The following RAP1GDS1 variants were observed in gnomAD, a reference collection of about 807,000 sequenced individuals.
RAP1GDS1 encodes the protein Rap1 GTPase-GDP dissociation stimulator 1, also known as RAP1, GTP-GDP dissociation stimulator 1.
In RAP1GDS1, 35 loss-of-function variants were observed where a neutral mutation model predicts 71.1. That is an observed-to-expected ratio of 0.49 (90% CI 0.38 to 0.65). RAP1GDS1 has a LOEUF of 0.65. Ranked by LOEUF, RAP1GDS1 falls within the 30% of genes least tolerant of loss-of-function variation. The probability of loss-of-function intolerance (pLI) is 0.00; values close to 1 mark genes in which losing one functional copy is unlikely to be tolerated. For missense variants in RAP1GDS1, 663 were observed against 706.1 expected (o/e 0.94, Z 0.69); for synonymous variants, 229 against 243.1 (o/e 0.94, Z 0.54).
At chr4:98,304,215 A>G (rs1417561261) in intron 2 of RAP1GDS1, among the ~76,000 whole-genome samples, 1 of 152,194 alleles carries the variant, frequency 6.6e-6, no homozygotes, top group Non-Finnish European at 1.5e-5. Flanking sequence ...TATACCCAGT[A>G]ATGGGATTGC....
rs146547450 is a variant in RAP1GDS1 at position 98,302,821 on chromosome 4, G to A, written c.112+9306G>A. ...AGCACTTTGGGAGGCCAAGGTGGGC[G>A]GATCACTTGAGGTCAGGAGTTGGAG... On this transcript the variant is annotated intron_variant, in intron 2 of 14. Coordinates refer to ENST00000408927, the MANE Select transcript of RAP1GDS1 (RefSeq NM_001100427.2). Among the ~76,000 whole-genome samples, 1,228 of 152,258 alleles carry A rather than the reference G, an allele frequency of 8.1e-3. 15 individuals carry two copies. The highest frequency in any genetic ancestry group is 0.027 in the African/African-American group (1,138 of 41,548).
At chr4:98,286,449 A>C (rs1726032574) in intron 1 of RAP1GDS1, among the ~76,000 whole-genome samples, 1 of 152,066 alleles carries the variant, frequency 6.6e-6, no homozygotes, top group Admixed American at 6.6e-5. Flanking sequence ...AAATTTTACA[A>C]ATTGTATTTT....
chr4:98,325,929 AAAG>A (rs1351205433), intron 2 of RAP1GDS1, among the ~76,000 whole-genome samples: 1 of 151,626 alleles, frequency 6.6e-6, no homozygotes, highest in Non-Finnish European at 1.5e-5. Flanking sequence ...TTAAAAAAAA[AAAG>A]ATTCAGTGTA....
At chr4:98,266,287 A>G (rs1169359883) in intron 1 of RAP1GDS1, among the ~76,000 whole-genome samples, 1 of 152,110 alleles carries the variant, frequency 6.6e-6, no homozygotes, top group Non-Finnish European at 1.5e-5. Context: ...AATGTCTGTC[A>G]TGCAGAGTGA....
intron 14 of RAP1GDS1, among the ~76,000 whole-genome samples, chr4:98,438,691 C>T (rs1751499160): frequency 6.9e-6 from 1 of 145,796 alleles, no homozygotes; most frequent in East Asian, 2.1e-4. Flanking sequence ...CTCCAGGGTT[C>T]AAGTGATTCT....
In RAP1GDS1 at chr4:98,387,571, G is replaced by T; in HGVS notation, c.509-4381G>T. Reference sequence around the variant, plus strand: ...ATCTCTTTGTATATGCATCTGTATTGCACCCCCTCAGTGCCTTTCTTCCTC... The same window carrying T: ...ATCTCTTTGTATATGCATCTGTATTTCACCCCCTCAGTGCCTTTCTTCCTC... On this transcript the variant is annotated intron_variant, in intron 5 of 14. Coordinates refer to ENST00000408927, the MANE Select transcript of RAP1GDS1 (RefSeq NM_001100427.2). The T allele has an allele frequency of 2.2e-5, 9 of 412,130 alleles. 1 individual carries two copies. Among genetic ancestry groups the T allele is most frequent in the South Asian group, 1.4e-4 (8 of 58,908 alleles). The allele number at this position is 412,130 out of a possible 1,614,324, so 25.5% of individuals were successfully genotyped here.
chr4:98,406,926 C>G (rs1405716575), intron 7 of RAP1GDS1, among the ~76,000 whole-genome samples: 2 of 151,920 alleles, frequency 1.3e-5, no homozygotes, highest in Admixed American at 6.6e-5. Flanking sequence ...AGAAATTTTT[C>G]TAGTAGTGAA....
At chr4:98,373,272 G>A (rs1445749747) in intron 4 of RAP1GDS1, among the ~76,000 whole-genome samples, 1 of 152,112 alleles carries the variant, frequency 6.6e-6, no homozygotes. Flanking sequence ...TTACTTCATT[G>A]TCTTCTAGCT....
intron 6 of RAP1GDS1, among the ~76,000 whole-genome samples, chr4:98,397,256 G>T (rs1210229457): frequency 6.6e-6 from 1 of 152,070 alleles, no homozygotes; most frequent in Non-Finnish European, 1.5e-5. Flanking sequence ...CATGAATATG[G>T]TTTTAAAGTA....
At chr4:98,397,038 A>G (rs1432613019) in intron 6 of RAP1GDS1, 3 of 152,212 alleles carry the variant, frequency 2.0e-5, no homozygotes, top group South Asian at 4.1e-4. Flanking sequence ...ATTAAGTTTC[A>G]TAAATTTTAC....
intron 4 of RAP1GDS1, among the ~76,000 whole-genome samples, chr4:98,376,605 C>T (rs1016462220): frequency 2.0e-5 from 3 of 151,880 alleles, no homozygotes; most frequent in Non-Finnish European, 4.4e-5. Flanking sequence ...TAAAAAAATG[C>T]TTTTACTGTG....
intron 7 of RAP1GDS1, among the ~76,000 whole-genome samples, chr4:98,408,507 C>G (rs1485123721): frequency 6.6e-6 from 1 of 152,004 alleles, no homozygotes; most frequent in Non-Finnish European, 1.5e-5. Context: ...AGAATTCTTC[C>G]AGAGAATAGG....
intron 1 of RAP1GDS1, among the ~76,000 whole-genome samples, chr4:98,292,836 C>T (rs946718424): frequency 6.6e-5 from 10 of 152,044 alleles, no homozygotes; most frequent in African/African-American, 2.4e-4. Flanking sequence ...GAGGAATTCA[C>T]ATATAATTTA....
At chr4:98,312,229 C>A (rs1375036110) in intron 2 of RAP1GDS1, among the ~76,000 whole-genome samples, 1 of 152,158 alleles carries the variant, frequency 6.6e-6, no homozygotes, top group African/African-American at 2.4e-5. Flanking sequence ...GTAACCCAGT[C>A]TCCAGCTAAT....
At chr4:98,266,278 ATGTC>A (rs999196973) in intron 1 of RAP1GDS1, among the ~76,000 whole-genome samples, 7 of 152,082 alleles carry the variant, frequency 4.6e-5, no homozygotes, top group African/African-American at 1.7e-4. Context: ...TATTTTTATA[ATGTC>A]TGTCATGCAG....
At chr4:98,353,523 G>A (rs1737514953) in intron 4 of RAP1GDS1, among the ~76,000 whole-genome samples, 1 of 152,040 alleles carries the variant, frequency 6.6e-6, no homozygotes, top group Non-Finnish European at 1.5e-5. Context: ...ATTCATTTAT[G>A]ATAAAGAAGT....
intron 12 of RAP1GDS1, among the ~76,000 whole-genome samples, chr4:98,423,211 T>C (rs1749130056): frequency 6.6e-6 from 1 of 152,128 alleles, no homozygotes; most frequent in African/African-American, 2.4e-5. Context: ...GGAGTGCTAT[T>C]TTAGGCGTTA....
At chr4:98,429,863 C>T (rs1206056343) in intron 12 of RAP1GDS1, among the ~76,000 whole-genome samples, 1 of 151,484 alleles carries the variant, frequency 6.6e-6, no homozygotes, top group Non-Finnish European at 1.5e-5. Flanking sequence ...TAGTAAGGCT[C>T]GTGGAAACCT....
At position 98,378,914 on chromosome 4, in the gene RAP1GDS1, A is replaced by G. The variant is rs990340675; in HGVS notation, c.362-103A>G. 32 of 1,112,484 alleles carry G rather than the reference A, an allele frequency of 2.9e-5. 1 individual carries two copies. The highest frequency in any genetic ancestry group is 8.7e-5 in the South Asian group (5 of 57,330). 68.9% of individuals were successfully genotyped at this position (1,112,484 alleles called of 1,614,324 possible). ...AATGTCCTGCCTAGGTTTATTTTCT[A>G]TTTATTCACAAAATAAAGAATAACA... On this transcript the variant is annotated intron_variant, in intron 4 of 14. Transcript: ENST00000408927.
Sources: allele counts gnomAD v4.1 joint callset (sites outside exome capture counted in the v4.1 genomes callset), GRCh38; gene constraint gnomAD v4.1.1; transcripts MANE v1.5; gene names NCBI Gene and HGNC (gene_info 2026-07-23, HGNC 2026-07-21).